The following USP15 variants were observed in gnomAD, a reference collection of about 807,000 sequenced individuals.
USP15 encodes ubiquitin specific peptidase 15.
Under a neutral mutation model 127.1 loss-of-function variants are expected in USP15, and 18 were observed. The observed-to-expected ratio is 0.14, with a 90% CI of 0.10 to 0.21. USP15 has a LOEUF of 0.21. Ranked by LOEUF, USP15 falls within the 10% of genes least tolerant of loss-of-function variation. The probability of loss-of-function intolerance (pLI) is 1.00; values close to 1 mark genes in which losing one functional copy is unlikely to be tolerated. For synonymous variants in USP15, 364 were observed against 393.7 expected (o/e 0.92, Z 0.89); for missense variants, 805 against 1,159.9 (o/e 0.69, Z 4.44).
chr12:62,366,611 G>T (rs868781823), intron 8 of USP15, among the ~76,000 whole-genome samples: 1 of 152,152 alleles, frequency 6.6e-6, no homozygotes, highest in African/African-American at 2.4e-5. Context: ...GTGAGAGAGG[G>T]CATCCCTGTC....
At chr12:62,357,972 G>T (rs1020357726) in intron 8 of USP15, among the ~76,000 whole-genome samples, 5 of 152,020 alleles carry the variant, frequency 3.3e-5, no homozygotes, top group Non-Finnish European at 7.4e-5. Context: ...TATTTCTTCA[G>T]TATGCTTTTT....
chr12:62,322,203 C>G (rs527348602), intron 5 of USP15, among the ~76,000 whole-genome samples: 1 of 152,198 alleles, frequency 6.6e-6, no homozygotes, highest in South Asian at 2.1e-4. Context: ...TCTCGGCTCA[C>G]TGCAACCTCT....
intron 17 of USP15, 78 bp downstream of exon 17, chr12:62,391,964 G>T: frequency 1.5e-6 from 2 of 1,324,546 alleles, no homozygotes; most frequent in Non-Finnish European, 2.1e-6. Context: ...ATACTGTTGT[G>T]TTACACTCTT....
chr12:62,281,180 TAAATGTATTG>T (rs2063635821), intron 1 of USP15, among the ~76,000 whole-genome samples: 1 of 152,202 alleles, frequency 6.6e-6, no homozygotes. Flanking sequence ...CAGATCTATA[TAAATGTATTG>T]AAATAAAATC....
chr12:62,338,231 T>G (rs2065536166), intron 6 of USP15, among the ~76,000 whole-genome samples: 1 of 152,222 alleles, frequency 6.6e-6, no homozygotes, highest in Admixed American at 6.5e-5. Flanking sequence ...TAATGACCAG[T>G]GATGAAGAGC....
At chr12:62,265,521 C>G (rs1432473165) in intron 1 of USP15, among the ~76,000 whole-genome samples, 2 of 152,198 alleles carry the variant, frequency 1.3e-5, no homozygotes, top group Non-Finnish European at 2.9e-5. Flanking sequence ...CCTTAAAGCA[C>G]TGTACCACAT....
rs1490947776 is a variant in USP15 at position 62,389,889 on chromosome 12, A to G, written c.1745A>G (p.His582Arg). The G allele has an allele frequency of 1.2e-6, 2 of 1,613,872 alleles. No homozygotes were observed. The highest frequency in any genetic ancestry group is 1.3e-5 in the African/African-American group (1 of 75,028). The change falls in exon 14 of 22, where the codon CAC (histidine) becomes CGC (arginine). Residue 582 changes from histidine (H) to arginine (R), a missense_variant. His to Arg is a conservative substitution (Grantham distance 29). This residue lies in a region of USP15 where 225 missense variants were observed against 239.5 expected (regional missense o/e 0.94). Transcript: ENST00000280377. ...AAATTCAGACACTCGAGTTATACCC[A>G]CCATACTGGTTCTTCACTTTTTGGT... is the stretch of plus-strand genomic sequence containing the variant. ...REKFRHSSYT[H>R]HTGSSLFGQP...
At chr12:62,389,107 A>G in intron 11 of USP15, among the ~76,000 whole-genome samples, 1 of 151,656 alleles carries the variant, frequency 6.6e-6, no homozygotes, top group East Asian at 1.9e-4. Flanking sequence ...CCTGGGCAAC[A>G]GAGTGAGTGA....
chr12:62,332,762 A>G (rs1376653271), intron 6 of USP15, among the ~76,000 whole-genome samples: 2 of 152,246 alleles, frequency 1.3e-5, no homozygotes, highest in Non-Finnish European at 2.9e-5. Flanking sequence ...CCATGCTAAT[A>G]GCTCTTACTC....
At chr12:62,291,086 A>G (rs1277518484) in intron 1 of USP15, among the ~76,000 whole-genome samples, 2 of 152,092 alleles carry the variant, frequency 1.3e-5, no homozygotes, top group Admixed American at 6.5e-5. Context: ...CCTTCTTGCA[A>G]TGTATTTTTC....
chr12:62,290,906 T>G (rs893843114), intron 1 of USP15, among the ~76,000 whole-genome samples: 2 of 149,668 alleles, frequency 1.3e-5, no homozygotes, highest in African/African-American at 4.9e-5. Context: ...AGGTTGACAG[T>G]TTTTTTTTTC....
At position 62,414,718 on chromosome 12, in the gene USP15, G is replaced by T. The variant is rs572201608; in HGVS notation, c.*10343G>T. 5 of 152,028 alleles carry T rather than the reference G, an allele frequency of 3.3e-5. No individual in the cohort carries two copies. In the South Asian group the frequency reaches 1.0e-3, roughly 32 times the overall value. 9.4% of individuals were successfully genotyped at this position (152,028 alleles called of 1,614,324 possible). A position where few individuals can be genotyped will look rare whatever the true frequency, so the allele number is the denominator to read the frequency against. On this transcript the variant is annotated 3_prime_UTR_variant, in exon 22 of 22. Coordinates refer to ENST00000280377, the MANE Select transcript of USP15 (RefSeq NM_001252078.2). ...TAGCATCCCATTTTTAAAAATAGAA[G>T]TGTGTATTCAGGGTGCACTCAATAG... is the stretch of plus-strand genomic sequence containing the variant.
chr12:62,361,634 T>G (rs764743192), intron 8 of USP15, among the ~76,000 whole-genome samples: 13 of 152,026 alleles, frequency 8.6e-5, no homozygotes, highest in African/African-American at 2.9e-4. Context: ...CAAGGATTTT[T>G]TTTGTAATTA....
intron 4 of USP15, among the ~76,000 whole-genome samples, chr12:62,317,669 T>A (rs570723779): frequency 3.0e-4 from 45 of 152,358 alleles, no homozygotes; most frequent in African/African-American, 1.1e-3. Flanking sequence ...AATACAGCTG[T>A]ATAAATTTTA....
At chr12:62,267,068 CT>C (rs1192636788) in intron 1 of USP15, 1 of 152,072 alleles carries the variant, frequency 6.6e-6, no homozygotes, top group Non-Finnish European at 1.5e-5. Flanking sequence ...GGGAATTTCT[CT>C]TTTTTCTTAG....
intron 2 of USP15, among the ~76,000 whole-genome samples, chr12:62,298,907 A>G (rs1338116307): frequency 2.0e-5 from 3 of 151,830 alleles, no homozygotes; most frequent in Non-Finnish European, 2.9e-5. Context: ...GAAATTGGAC[A>G]TCTACATTCA....
intron 1 of USP15, among the ~76,000 whole-genome samples, chr12:62,278,942 C>T (rs1000442145): frequency 3.3e-5 from 5 of 152,122 alleles, no homozygotes; most frequent in African/African-American, 1.2e-4. Context: ...CAGTTTCACA[C>T]CATTATAAAG....
At chr12:62,267,222 C>T (rs993918953) in intron 1 of USP15, 6 of 152,114 alleles carry the variant, frequency 3.9e-5, no homozygotes, top group Admixed American at 2.6e-4. Context: ...GAAGCCACTT[C>T]GCCAGACTCG....
At position 62,404,567 on chromosome 12, in the gene USP15, C is replaced by G. The variant is rs1196307450; in HGVS notation, c.*192C>G. On this transcript the variant is annotated 3_prime_UTR_variant, in exon 22 of 22. Coordinates refer to ENST00000280377, the MANE Select transcript of USP15 (RefSeq NM_001252078.2). ...CAATGAAAACTTTAACAGAAATTGTCTCTTAATACATTTACAGTCTTGTAT... is the reference window on the plus strand; with the variant it reads ...CAATGAAAACTTTAACAGAAATTGTGTCTTAATACATTTACAGTCTTGTAT... 1.5e-6 allele frequency: 1 copy of G among 650,902 alleles called. No individual in the cohort carries two copies. Among genetic ancestry groups the G allele is most frequent in the East Asian group, 3.8e-5 (1 of 26,490 alleles). The allele number at this position is 650,902 out of a possible 1,614,324, so 40.3% of individuals were successfully genotyped here. A position where few individuals can be genotyped will look rare whatever the true frequency, so the allele number is the denominator to read the frequency against.
Sources: gnomAD v4.1 joint callset for allele counts (sites outside exome capture counted in the v4.1 genomes callset) on GRCh38, gnomAD v4.1.1 for gene constraint, gnomAD v4.1.1 regional missense constraint, MANE v1.5 for transcripts, NCBI Gene and HGNC (gene_info 2026-07-23, HGNC 2026-07-21) for gene names.